Variants in ZNF407 observed in about 807,000 individuals in gnomAD.
ZNF407 encodes zinc finger protein 407.
In ZNF407, 17 loss-of-function variants were observed where a neutral mutation model predicts 131.2. The ratio of observed to expected loss-of-function variants is 0.13; its 90% CI spans 0.09 to 0.19. The LOEUF (loss-of-function observed/expected upper bound fraction) is 0.19. ZNF407 is among the 10% of genes least tolerant of loss of function. The pLI is 1.00. For synonymous variants in ZNF407, 1,156 were observed against 1,062.0 expected, an observed-to-expected ratio of 1.09 and a Z score of -1.72; for missense variants, 2,681 against 2,830.6, an observed-to-expected ratio of 0.95 and a Z score of 1.20.
At chr18:74,979,904 G>T (rs1972569388) in intron 8 of ZNF407, among the ~76,000 whole-genome samples, 1 of 152,144 alleles carries the variant, frequency 6.6e-6, no homozygotes, top group African/African-American at 2.4e-5. Flanking sequence ...GCTGAAAGAT[G>T]AATCCAGTAG....
chr18:74,952,585 C>G lies in ZNF407; in HGVS notation c.5428+31893C>G, dbSNP rs1278066319. On this transcript the variant is annotated intron_variant, in intron 8 of 8. Transcript: ENST00000299687. ...AAAGAGGCAGAAAGAGGAAGACAACCAGAGAGAATGGGAGCAGGAAGGGGC... is the reference window on the plus strand; with the variant it reads ...AAAGAGGCAGAAAGAGGAAGACAACGAGAGAGAATGGGAGCAGGAAGGGGC... Among the ~76,000 whole-genome samples, 4 of 152,162 alleles carry G rather than the reference C, an allele frequency of 2.6e-5. No individual in the cohort carries two copies. The East Asian group carries it at 7.7e-4, about 29-fold the overall frequency.
chr18:74,657,357 C>T (rs1408869131), intron 3 of ZNF407, among the ~76,000 whole-genome samples: 2 of 152,028 alleles, frequency 1.3e-5, no homozygotes, highest in Admixed American at 6.6e-5. Context: ...AATTTTCTGA[C>T]TCATCTTTCT....
At chr18:74,644,717 A>T (rs1010957683) in intron 3 of ZNF407, among the ~76,000 whole-genome samples, 27 of 151,894 alleles carry the variant, frequency 1.8e-4, no homozygotes, top group Admixed American at 1.8e-3. Context: ...CATTTTACTG[A>T]TGGGAAACTT....
intron 4 of ZNF407, among the ~76,000 whole-genome samples, chr18:74,857,678 A>C (rs919127649): frequency 2.0e-5 from 3 of 152,188 alleles, no homozygotes; most frequent in African/African-American, 7.2e-5. Flanking sequence ...GTAATATCAT[A>C]GTTTGTAATT....
intron 4 of ZNF407, among the ~76,000 whole-genome samples, chr18:74,797,578 G>A (rs1036209904): frequency 6.6e-6 from 1 of 152,234 alleles, no homozygotes; most frequent in African/African-American, 2.4e-5. Flanking sequence ...GTACAGGAAT[G>A]CACTCTGGGT....
chr18:74,840,178 T>C (rs1970613141), intron 4 of ZNF407, among the ~76,000 whole-genome samples: 1 of 152,192 alleles, frequency 6.6e-6, no homozygotes, highest in Admixed American at 6.5e-5. Context: ...TCCCGTACCT[T>C]ACTAGTAACT....
chr18:74,732,061 A>AAC (rs1968306812), intron 3 of ZNF407, among the ~76,000 whole-genome samples: 2 of 152,206 alleles, frequency 1.3e-5, no homozygotes, highest in East Asian at 3.8e-4. Context: ...GTAGGTTTTC[A>AAC]GTTATATCAG....
intron 8 of ZNF407, among the ~76,000 whole-genome samples, chr18:75,000,153 A>G (rs1972828807): frequency 6.6e-6 from 1 of 152,198 alleles, no homozygotes; most frequent in South Asian, 2.1e-4. Flanking sequence ...CCGATATGGC[A>G]GGTTTGTTCT....
chr18:74,703,347 G>GTGTGTC lies in ZNF407; in HGVS notation c.4802+62227_4802+62232dup, dbSNP rs1329780087. Among the ~76,000 whole-genome samples, 4 of 147,576 alleles carry GTGTGTC rather than the reference G, an allele frequency of 2.7e-5. No individual in the cohort carries two copies. Among genetic ancestry groups the GTGTGTC allele is most frequent in the African/African-American group, 1.0e-4 (4 of 38,928 alleles). ...TAGATCTCTCTCTCTCTCTCCCCAT[G>GTGTGTC]TGTGTCTCTGTCTCTGTCTCTCTCT... On this transcript the variant is annotated intron_variant, in intron 3 of 8. Coordinates refer to ENST00000299687, the MANE Select transcript of ZNF407 (RefSeq NM_017757.3). The surrounding 1 kb of genome is among the most constrained non-coding windows in gnomAD (Gnocchi z 4.1).
At chr18:74,996,506 G>A (rs908975810) in intron 8 of ZNF407, among the ~76,000 whole-genome samples, 1 of 152,236 alleles carries the variant, frequency 6.6e-6, no homozygotes, top group Non-Finnish European at 1.5e-5. Flanking sequence ...GGCAATAAGT[G>A]TTTAATAGTC....
intron 4 of ZNF407, among the ~76,000 whole-genome samples, chr18:74,784,248 T>G (rs535558726): frequency 6.6e-6 from 1 of 152,380 alleles, no homozygotes; most frequent in South Asian, 2.1e-4. Context: ...AAAAATGTTT[T>G]TAATTTGATT....
At chr18:74,996,771 A>G (rs1282014942) in intron 8 of ZNF407, among the ~76,000 whole-genome samples, 1 of 152,276 alleles carries the variant, frequency 6.6e-6, no homozygotes, top group East Asian at 1.9e-4. Context: ...AGAAAATAAA[A>G]TAAAAACTAT....
intron 4 of ZNF407, among the ~76,000 whole-genome samples, chr18:74,792,698 ATTC>A (rs1466079170): frequency 2.6e-5 from 4 of 152,100 alleles, no homozygotes; most frequent in African/African-American, 4.8e-5. Context: ...ATATGAAAAT[ATTC>A]TTCTTCTTTA....
intron 4 of ZNF407, among the ~76,000 whole-genome samples, chr18:74,824,523 A>T (rs1229585291): frequency 6.6e-6 from 1 of 152,206 alleles, no homozygotes; most frequent in Non-Finnish European, 1.5e-5. Context: ...AAAAAATGAT[A>T]AAGGGATATC....
At chr18:74,880,857 T>A (rs898003535) in intron 5 of ZNF407, among the ~76,000 whole-genome samples, 179 bp from the exon 6 acceptor site, 1 of 152,270 alleles carries the variant, frequency 6.6e-6, no homozygotes, top group Non-Finnish European at 1.5e-5. Context: ...GTAATTATGT[T>A]CAGTGGTGCT....
chr18:74,909,933 T>C (rs1197191808), intron 7 of ZNF407, among the ~76,000 whole-genome samples: 1 of 152,176 alleles, frequency 6.6e-6, no homozygotes, highest in Non-Finnish European at 1.5e-5. Flanking sequence ...AGAAGAGGAA[T>C]TTATGTATTT....
chr18:74,714,120 A>C lies in ZNF407; in HGVS notation c.4803-67308A>C, dbSNP rs917210360. On this transcript the variant is annotated intron_variant, in intron 3 of 8. Transcript: ENST00000299687. ...TCTTATATCAACTGAAGCTTTTAAA[A>C]ATGAATTTGAATCGCTTATTATAAA... is the stretch of plus-strand genomic sequence containing the variant. 2.0e-5 allele frequency among the ~76,000 whole-genome samples: 3 copies of C among 152,254 alleles called. No individual in the cohort carries two copies. In the East Asian group the frequency reaches 5.8e-4, roughly 29 times the overall value.
At chr18:74,946,883 T>C (rs996014357) in intron 8 of ZNF407, among the ~76,000 whole-genome samples, 2 of 152,250 alleles carry the variant, frequency 1.3e-5, no homozygotes, top group Non-Finnish European at 2.9e-5. Context: ...TACATTTTAC[T>C]GAATTCCTTT....
intron 4 of ZNF407, among the ~76,000 whole-genome samples, chr18:74,805,753 T>C (rs980979607): frequency 3.9e-5 from 6 of 152,310 alleles, no homozygotes; most frequent in Middle Eastern, 6.8e-3. Flanking sequence ...CAAGAGTCAG[T>C]ATAAATTATA....
Sources: gnomAD v4.1 joint callset for allele counts (sites outside exome capture counted in the v4.1 genomes callset) on GRCh38, gnomAD v4.1.1 for gene constraint, Gnocchi (gnomAD v3.1) non-coding constraint, MANE v1.5 for transcripts, NCBI Gene and HGNC (gene_info 2026-07-23, HGNC 2026-07-21) for gene names.